Variants in PCDHA3 observed in about 807,000 individuals in gnomAD.
The protein encoded by PCDHA3 is protocadherin alpha-3.
In PCDHA3, 41 loss-of-function variants were observed where a neutral mutation model predicts 62.2. The observed-to-expected ratio is 0.66, with a 90% CI of 0.51 to 0.86. The LOEUF (loss-of-function observed/expected upper bound fraction) is 0.86, where lower values mean the gene tolerates loss of function less well. PCDHA3 is among the 40% of genes least tolerant of loss of function. The probability of loss-of-function intolerance (pLI) is 0.00; values close to 1 mark genes in which losing one functional copy is unlikely to be tolerated. For synonymous variants in PCDHA3, 640 were observed against 555.4 expected, an observed-to-expected ratio of 1.15 and a Z score of -2.14; for missense variants, 1,304 against 1,241.2, an observed-to-expected ratio of 1.05 and a Z score of -0.76.
intron 1 of PCDHA3, among the ~76,000 whole-genome samples, chr5:140,913,844 A>G (rs1554196074): frequency 1.3e-5 from 2 of 152,194 alleles, no homozygotes; most frequent in African/African-American, 2.4e-5. Flanking sequence ...CCCACTGGTC[A>G]TTCAGGAGCA....
At chr5:140,946,591 AATAG>A (rs1237639683) in intron 1 of PCDHA3, among the ~76,000 whole-genome samples, 7 of 119,490 alleles carry the variant, frequency 5.9e-5, no homozygotes, top group African/African-American at 2.9e-4. Flanking sequence ...ATAGTGGATG[AATAG>A]ATAAAGAAAA....
At chr5:140,923,480 C>G (rs1554201462) in intron 1 of PCDHA3, among the ~76,000 whole-genome samples, 1 of 152,064 alleles carries the variant, frequency 6.6e-6, no homozygotes, top group African/African-American at 2.4e-5. Context: ...AGTGAGCCAT[C>G]TTCACACCAC....
rs1219590569 is a variant in PCDHA3, at chr5:140,835,123, A to G, written c.2394+31532A>G. 4 of 1,326,346 alleles carry G rather than the reference A, an allele frequency of 3.0e-6. No homozygotes were observed. In the African/African-American group the frequency reaches 4.8e-5, roughly 16 times the overall value. The allele number at this position is 1,326,346 out of a possible 1,614,324, so 82.2% of individuals were successfully genotyped here. ...GCCCCAGTGTTCGACAGAACCCTGT[A>G]TACGGTGAAATTACCAGAAAACGTT... is the stretch of plus-strand genomic sequence containing the variant. On this transcript the variant is annotated intron_variant, in intron 1 of 3. Coordinates refer to ENST00000522353, the MANE Select transcript of PCDHA3 (RefSeq NM_018906.3).
intron 1 of PCDHA3, chr5:140,836,516 G>C: frequency 6.2e-7 from 1 of 1,613,880 alleles, no homozygotes; most frequent in Non-Finnish European, 8.5e-7. Flanking sequence ...CCAGTCTGTT[G>C]GTGCTTACCC....
chr5:140,809,620 A>C (rs1554125322), intron 1 of PCDHA3: 1 of 1,511,684 alleles, frequency 6.6e-7, no homozygotes. Context: ...GTTTTTCTCT[A>C]TCAACTTCTT....
At chr5:140,927,349 G>T in intron 1 of PCDHA3, 1 of 1,614,016 alleles carries the variant, frequency 6.2e-7, no homozygotes, top group Non-Finnish European at 8.5e-7. Flanking sequence ...AGATGACGAC[G>T]AGGGAAGCAA....
intron 1 of PCDHA3, among the ~76,000 whole-genome samples, chr5:140,900,759 A>G (rs1419646582): frequency 6.6e-6 from 1 of 152,044 alleles, no homozygotes; most frequent in Non-Finnish European, 1.5e-5. Context: ...TGGTAGCTCT[A>G]TTTTTGGCTT....
chr5:140,823,743 C>T (rs1554129577), intron 1 of PCDHA3: 13 of 1,613,718 alleles, frequency 8.1e-6, no homozygotes, highest in Non-Finnish European at 1.1e-5. Flanking sequence ...ATGGAGAGCC[C>T]CCGCTGACAG....
At chr5:140,822,785 T>C in intron 1 of PCDHA3, 1 of 1,614,074 alleles carries the variant, frequency 6.2e-7, no homozygotes, top group Non-Finnish European at 8.5e-7. Context: ...AAAGTAGTAG[T>C]GAAACTCCTG....
Position 140,848,795 on chromosome 5 carries a change from G to A in PCDHA3, c.2394+45204G>A. 3 of 1,592,816 alleles carry A rather than the reference G, an allele frequency of 1.9e-6. 1 individual carries two copies. Among genetic ancestry groups the A allele is most frequent in the Non-Finnish European group, 2.6e-6 (3 of 1,163,690 alleles). On this transcript the variant is annotated intron_variant, in intron 1 of 3. Transcript: ENST00000522353. ...GCGAGGAGCTGTGCGGGCGGAGCGC[G>A]GAGTGCAGCATCCACCTGGAGGTGA...
At chr5:140,881,143 A>G (rs1554171794) in intron 1 of PCDHA3, among the ~76,000 whole-genome samples, 1 of 152,228 alleles carries the variant, frequency 6.6e-6, no homozygotes, top group Non-Finnish European at 1.5e-5. Flanking sequence ...AGTTATAACA[A>G]TAGATAAAAG....
intron 1 of PCDHA3, chr5:140,966,880 C>T (rs1554228837): frequency 1.3e-6 from 2 of 1,588,288 alleles, no homozygotes; most frequent in Admixed American, 3.5e-5. Flanking sequence ...TGCTACCTGG[C>T]CCTGCGGCCT....
At chr5:140,815,836 A>G (rs114688283) in intron 1 of PCDHA3, 1 of 152,148 alleles carries the variant, frequency 6.6e-6, no homozygotes, top group African/African-American at 2.4e-5. Context: ...TTTGAAGACA[A>G]ACTTTGGTGG....
intron 1 of PCDHA3, chr5:140,871,394 C>G (rs782179742): frequency 6.2e-7 from 1 of 1,614,042 alleles, no homozygotes; most frequent in Admixed American, 1.7e-5. Context: ...GAGGGCCCAC[C>G]TAAGACGGAC....
chr5:140,858,155 T>C (rs782113419), intron 1 of PCDHA3: 1 of 1,597,742 alleles, frequency 6.3e-7, no homozygotes, highest in African/African-American at 1.3e-5. Context: ...CATCGCCATC[T>C]GCGCGGTGTC....
rs2150162425 is a variant in PCDHA3, at chr5:140,829,084, G to A, written c.2394+25493G>A. On this transcript the variant is annotated intron_variant, in intron 1 of 3. Transcript: ENST00000522353. The stretch of plus-strand genomic sequence containing the variant: ...CGGACAAAGGCCATCCTCCCATGGC[G>A]GGTCATTGCACCGTTTTAGTGAGAA... The A allele has an allele frequency of 3.1e-5, 50 of 1,611,088 alleles. No individual in the cohort carries two copies. The Admixed American group carries it at 5.2e-4, about 17-fold the overall frequency.
intron 1 of PCDHA3, among the ~76,000 whole-genome samples, chr5:140,944,227 G>A (rs1472509213): frequency 6.6e-6 from 1 of 152,046 alleles, no homozygotes; most frequent in Non-Finnish European, 1.5e-5. Flanking sequence ...TTACTCTGTC[G>A]CTCAGGCTGG....
rs563512273 is a variant in PCDHA3 at position 140,921,751 on chromosome 5, A to G, written c.2395-57198A>G. Among the ~76,000 whole-genome samples, 11 of 152,290 alleles carry G rather than the reference A, an allele frequency of 7.2e-5. No homozygotes were observed. The East Asian group carries it at 7.7e-4, about 11-fold the overall frequency. On this transcript the variant is annotated intron_variant, in intron 1 of 3. Coordinates refer to ENST00000522353, the MANE Select transcript of PCDHA3 (RefSeq NM_018906.3). ...ATAAAAATTATAAGCATAACAGGAC[A>G]CTTCTTGGCTACTATTCAATACTGA...
At chr5:140,891,078 T>G (rs1554184657) in intron 1 of PCDHA3, among the ~76,000 whole-genome samples, 1 of 152,198 alleles carries the variant, frequency 6.6e-6, no homozygotes, top group Admixed American at 6.6e-5. Flanking sequence ...CAGTGTCTAC[T>G]GGTTTCCATT....
Sources: gnomAD v4.1 joint callset for allele counts (sites outside exome capture counted in the v4.1 genomes callset) on GRCh38, gnomAD v4.1.1 for gene constraint, MANE v1.5 for transcripts, NCBI Gene and HGNC (gene_info 2026-07-23, HGNC 2026-07-21) for gene names.